Variants in EIF3B observed in about 807,000 individuals in gnomAD.
EIF3B encodes the protein eukaryotic translation initiation factor 3 subunit B.
A neutral mutation model predicts 104.6 loss-of-function variants in EIF3B; 10 were observed. The observed-to-expected ratio is 0.10, with a 90% confidence interval of 0.06 to 0.16. The LOEUF (loss-of-function observed/expected upper bound fraction) is 0.16. Ranked by LOEUF, EIF3B falls within the 10% of genes least tolerant of loss-of-function variation. EIF3B has a pLI of 1.00. For synonymous variants in EIF3B, 542 were observed against 417.2 expected (o/e 1.30, Z -3.65); for missense variants, 1,014 against 1,087.9 (o/e 0.93, Z 0.96).
intron 9 of EIF3B, among the ~76,000 whole-genome samples, chr7:2,368,819 A>C (rs1258691039): frequency 6.6e-6 from 1 of 152,262 alleles, no homozygotes; most frequent in Admixed American, 6.5e-5. Context: ...ACGGCAGTGA[A>C]CTTCCAACAA....
intron 16 of EIF3B, 49 bp downstream of exon 16, chr7:2,378,815 T>G: frequency 1.9e-6 from 3 of 1,540,540 alleles, no homozygotes; most frequent in Non-Finnish European, 2.7e-6. Flanking sequence ...TCCGCCATCA[T>G]GGCAAAGGCG....
intron 13 of EIF3B, chr7:2,374,897 C>T: frequency 2.8e-6 from 1 of 354,034 alleles, no homozygotes; most frequent in South Asian, 7.4e-5. Flanking sequence ...TGCCTTCCAG[C>T]CATCCAGTAA....
Position 2,367,034 on chromosome 7 carries a change from C to T in EIF3B, c.1392C>T (p.Ile464=), listed in dbSNP as rs780528432. The T allele has an allele frequency of 2.5e-6, 4 of 1,612,204 alleles. No individual in the cohort carries two copies. Among genetic ancestry groups the T allele is most frequent in the African/African-American group, 2.7e-5 (2 of 74,358 alleles). ...MGLLDKKSLK[I]SGIKDFSWSP... is the part of the protein sequence containing the mutation. ...TTTTGGACAAGAAGAGTTTGAAGATCTCTGGGATAAAGTGAGTATTCTTAT... is the reference window on the plus strand; with the variant it reads ...TTTTGGACAAGAAGAGTTTGAAGATTTCTGGGATAAAGTGAGTATTCTTAT... The change falls in exon 9 of 19, where the codon ATC becomes ATT. Residue 464 remains isoleucine, a synonymous_variant. Coordinates refer to ENST00000360876, the MANE Select transcript of EIF3B (RefSeq NM_001037283.2).
At chr7:2,354,359 G>C (rs1437987955), upstream of EIF3B, 1 of 152,262 alleles carries the variant, frequency 6.6e-6, no homozygotes, top group Non-Finnish European at 1.5e-5. Context: ...ACACGGACAG[G>C]GGGGACTTTA....
chr7:2,367,338 C>T (rs565009035), intron 9 of EIF3B, among the ~76,000 whole-genome samples: 4 of 151,872 alleles, frequency 2.6e-5, no homozygotes, highest in South Asian at 4.2e-4. Context: ...CCCTCAGGAC[C>T]TCCCACCCCC....
intron 1 of EIF3B, among the ~76,000 whole-genome samples, chr7:2,356,444 A>T (rs1487243031): frequency 2.6e-5 from 4 of 151,224 alleles, no homozygotes; most frequent in African/African-American, 9.7e-5. Flanking sequence ...TACTAAAAAT[A>T]AAAAAAAATT....
intron 1 of EIF3B, among the ~76,000 whole-genome samples, chr7:2,358,273 G>A (rs953754562): frequency 6.6e-6 from 1 of 152,048 alleles, no homozygotes; most frequent in Non-Finnish European, 1.5e-5. Context: ...TAATACAGAT[G>A]GGGTTTTGCC....
chr7:2,369,669 C>T lies in EIF3B; in HGVS notation c.1601C>T (p.Pro534Leu), dbSNP rs747838544. ...DYLCVKVDRT[P>L]KGTQGVVTNF... ...TTGTGTGTGAAAGTAGATAGGACTC[C>T]GAAAGGCACCCAGGTATGTAGATTC... Residue 534 changes from proline (P) to leucine (L), a missense_variant, in exon 10 of 19, where the codon CCG becomes CTG. By Grantham distance (98) the Pro-to-Leu change is moderately conservative. Transcript: ENST00000360876. The T allele has an allele frequency of 1.4e-5, 23 of 1,613,546 alleles. No individual in the cohort carries two copies. The highest frequency in any genetic ancestry group is 4.0e-5 in the African/African-American group (3 of 74,768).
chr7:2,361,433 T>C (rs771990798), intron 2 of EIF3B, among the ~76,000 whole-genome samples: 14 of 152,192 alleles, frequency 9.2e-5, no homozygotes, highest in Admixed American at 2.6e-4. Flanking sequence ...TTCTTTCTTT[T>C]TTTTGAGTCG....
In EIF3B at chr7:2,371,707, C is replaced by CT. The variant is rs1343235140; in HGVS notation, c.1615-67dup. On this transcript the variant is annotated intron_variant, in intron 10 of 18. Transcript: ENST00000360876. ...CTGAATCTTTCATTGTGACGTTGATCTTTGATTTAAACCTTTTCTCATATT... is the reference window on the plus strand; with the variant it reads ...CTGAATCTTTCATTGTGACGTTGATCTTTTGATTTAAACCTTTTCTCATATT... 4 of 1,229,998 alleles carry CT rather than the reference C, an allele frequency of 3.3e-6. No individual in the cohort carries two copies. The African/African-American group carries it at 4.5e-5, about 14-fold the overall frequency. 76.2% of individuals were successfully genotyped at this position (1,229,998 alleles called of 1,614,324 possible). A position where few individuals can be genotyped will look rare whatever the true frequency, so the allele number is the denominator to read the frequency against.
intron 6 of EIF3B, 62 bp from the exon 7 acceptor site, chr7:2,366,255 C>G: frequency 3.3e-6 from 5 of 1,507,794 alleles, no homozygotes; most frequent in Non-Finnish European, 4.4e-6. Context: ...TCTGGCCGCA[C>G]AGACAGACTG....
chr7:2,371,211 C>T (rs1443666920), intron 10 of EIF3B, among the ~76,000 whole-genome samples: 2 of 152,258 alleles, frequency 1.3e-5, no homozygotes, highest in African/African-American at 2.4e-5. Flanking sequence ...ATGCCACCTT[C>T]TGTGTTTGAC....
At position 2,355,386 on chromosome 7, in the gene EIF3B, C is replaced by T. The variant is rs1486295429; in HGVS notation, c.465C>T (p.Asp155=). 7.3e-6 allele frequency: 11 copies of T among 1,515,712 alleles called. No individual in the cohort carries two copies. The highest frequency in any genetic ancestry group is 1.2e-5 in the South Asian group (1 of 81,876). 93.9% of individuals were successfully genotyped at this position (1,515,712 alleles called of 1,614,324 possible). ...NGDADEPSFS[D]PEDFVDDVSE... ...ACGCGGACGAGCCCTCCTTCAGCGA[C>T]CCCGAGGACTTCGTGGACGACGTGA... Residue 155 remains aspartate, a synonymous_variant, in exon 1 of 19, where the codon GAC becomes GAT. Transcript: ENST00000360876.
intron 9 of EIF3B, among the ~76,000 whole-genome samples, chr7:2,367,395 C>G (rs2115309070): frequency 6.7e-6 from 1 of 150,010 alleles, no homozygotes; most frequent in African/African-American, 2.4e-5. Flanking sequence ...TAGAATTTCA[C>G]CCTGTGAATC....
In EIF3B at chr7:2,380,630, G is replaced by C. The variant is rs992029430; in HGVS notation, c.*441G>C. ...ATCCCCATTGCGGGCAGTGCTGGAC[G>C]TGTCCCGGAGACCCACCGGGAGGGC... is the stretch of plus-strand genomic sequence containing the variant. On this transcript the variant is annotated 3_prime_UTR_variant, in exon 19 of 19. Transcript: ENST00000360876. The C allele has an allele frequency of 7.3e-6, 2 of 272,130 alleles. No homozygotes were observed. Among genetic ancestry groups the C allele is most frequent in the Non-Finnish European group, 1.5e-5 (2 of 135,132 alleles). 16.9% of individuals were successfully genotyped at this position (272,130 alleles called of 1,614,324 possible). A position where few individuals can be genotyped will look rare whatever the true frequency, so the allele number is the denominator to read the frequency against.
Position 2,380,307 on chromosome 7 carries a change from C to T in EIF3B, c.*118C>T, listed in dbSNP as rs766225185. ...AGCCGTGTGTGCTGTGGAGCCGAGG[C>T]CGTCCTGCAGGAAGCCGCGTGACTC... On this transcript the variant is annotated 3_prime_UTR_variant, in exon 19 of 19. Coordinates refer to ENST00000360876, the MANE Select transcript of EIF3B (RefSeq NM_001037283.2). 1 of 516,270 alleles carries T rather than the reference C, an allele frequency of 1.9e-6. No homozygotes were observed. 32.0% of individuals were successfully genotyped at this position (516,270 alleles called of 1,614,324 possible). A position where few individuals can be genotyped will look rare whatever the true frequency, so the allele number is the denominator to read the frequency against.
At chr7:2,360,013 C>G (rs901330258) in intron 1 of EIF3B, among the ~76,000 whole-genome samples, 1 of 152,146 alleles carries the variant, frequency 6.6e-6, no homozygotes, top group Admixed American at 6.6e-5. Context: ...GTGGTGGGCT[C>G]TGCAGCGGAG....
rs1365317625 is a variant in EIF3B at position 2,359,707 on chromosome 7, C to T, written c.500-1003C>T. 2.0e-5 allele frequency among the ~76,000 whole-genome samples: 3 copies of T among 152,186 alleles called. 1 individual carries two copies. The highest frequency in any genetic ancestry group is 4.1e-4 in the South Asian group (2 of 4,830). On this transcript the variant is annotated intron_variant, in intron 1 of 18. Transcript: ENST00000360876. ...ACCGGAGGTGACAGCCCACTACTTG[C>T]GACTGCCATCTGAAATGGGGGCCAG...
intron 12 of EIF3B, 86 bp from the exon 13 acceptor site, chr7:2,374,442 T>C: frequency 7.4e-7 from 1 of 1,353,078 alleles, no homozygotes; most frequent in East Asian, 2.3e-5. Flanking sequence ...ATGGGCAGCA[T>C]GAGCACGGCC....
Sources: gnomAD v4.1 joint callset for allele counts (sites outside exome capture counted in the v4.1 genomes callset) on GRCh38, gnomAD v4.1.1 for gene constraint, MANE v1.5 for transcripts, NCBI Gene and HGNC (gene_info 2026-07-23, HGNC 2026-07-21) for gene names.